Variants in LRRIQ3 observed in about 807,000 individuals in gnomAD.
The protein encoded by LRRIQ3 is leucine-rich repeat and IQ domain-containing protein 3.
LRRIQ3 carries 75 observed loss-of-function variants against 59.3 expected under a neutral mutation model. The ratio of observed to expected loss-of-function variants is 1.26; its 90% CI spans 1.05 to 1.53. LRRIQ3 has a LOEUF of 1.53. Among genes scored for constraint, LRRIQ3 ranks in the 40% most tolerant of loss-of-function variants. The probability of loss-of-function intolerance (pLI) is 0.00; values close to 1 mark genes in which losing one functional copy is unlikely to be tolerated. For synonymous variants in LRRIQ3, 250 were observed against 231.3 expected, an observed-to-expected ratio of 1.08 and a Z score of -0.73; for missense variants, 831 against 710.0, an observed-to-expected ratio of 1.17 and a Z score of -1.94.
At chr1:74,147,705 G>A (rs1190247486) in intron 4 of LRRIQ3, among the ~76,000 whole-genome samples, 1 of 152,168 alleles carries the variant, frequency 6.6e-6, no homozygotes, top group Non-Finnish European at 1.5e-5. Flanking sequence ...TTCTCTTGCT[G>A]TCTCTATCAT....
At chr1:74,045,956 G>A (rs185827065) in intron 6 of LRRIQ3, among the ~76,000 whole-genome samples, 1 of 152,220 alleles carries the variant, frequency 6.6e-6, no homozygotes, top group East Asian at 1.9e-4. Flanking sequence ...GGAAATAAGA[G>A]AGGACACAAA....
rs541408192 is a variant in LRRIQ3, at chr1:74,026,063, T to A, written c.*750A>T. ...TATTTTTCAAATTTTCTACCATTGGTATGTATTAAACAGACTTATGGTTAA... is the reference window on the plus strand; with the variant it reads ...TATTTTTCAAATTTTCTACCATTGGAATGTATTAAACAGACTTATGGTTAA... On this transcript the variant is annotated 3_prime_UTR_variant, in exon 8 of 8. Transcript: ENST00000354431. The A allele has an allele frequency of 6.6e-5, 10 of 152,156 alleles. No individual in the cohort carries two copies. Among genetic ancestry groups the A allele is most frequent in the Non-Finnish European group, 1.3e-4 (9 of 67,920 alleles). The allele number at this position is 152,156 out of a possible 1,614,324, so 9.4% of individuals were successfully genotyped here.
chr1:74,170,258 G>T (rs1259881750), intron 3 of LRRIQ3, among the ~76,000 whole-genome samples: 1 of 152,070 alleles, frequency 6.6e-6, no homozygotes, highest in Non-Finnish European at 1.5e-5. Flanking sequence ...TGCCAAGACC[G>T]ATGTCAAGAA....
chr1:74,026,782 A>T lies in LRRIQ3; in HGVS notation c.*31T>A. The T allele has an allele frequency of 6.5e-7, 1 of 1,543,972 alleles. No individual in the cohort carries two copies. The highest frequency in any genetic ancestry group is 8.8e-7 in the Non-Finnish European group (1 of 1,140,144). ...AACTAAAAATAATGACTATAATTTAAGATGATCATAGGATGTGATCTGGCA... is the reference window on the plus strand; with the variant it reads ...AACTAAAAATAATGACTATAATTTATGATGATCATAGGATGTGATCTGGCA... On this transcript the variant is annotated 3_prime_UTR_variant, in exon 8 of 8. Coordinates refer to ENST00000354431, the MANE Select transcript of LRRIQ3 (RefSeq NM_001105659.2).
intron 1 of LRRIQ3, among the ~76,000 whole-genome samples, chr1:74,185,092 A>G (rs555745851): frequency 6.6e-6 from 1 of 152,324 alleles, no homozygotes; most frequent in East Asian, 1.9e-4. Flanking sequence ...ACTTTACACA[A>G]TTATGAATAA....
rs1654039146 is a variant in LRRIQ3, at chr1:74,041,375, T to C, written c.1556A>G (p.Gln519Arg). The part of the protein sequence containing the change: ...SQKASERLLV[Q>R]NLNNERTLLT... The stretch of plus-strand genomic sequence containing the variant: ...AAGAGTGCGCTCATTATTTAAGTTT[T>C]GAACTAATAAACGCTCTGAAGCCTT... Residue 519 changes from glutamine (Q) to arginine (R), a missense_variant, in exon 7 of 8, where the codon CAA becomes CGA. Coordinates refer to ENST00000354431, the MANE Select transcript of LRRIQ3 (RefSeq NM_001105659.2). 1 of 1,613,900 alleles carries C rather than the reference T, an allele frequency of 6.2e-7. No individual in the cohort carries two copies. The highest frequency in any genetic ancestry group is 1.7e-5 in the Admixed American group (1 of 59,994).
At chr1:74,027,025 G>C in intron 7 of LRRIQ3, 56 bp from the exon 8 acceptor site, 2 of 1,193,518 alleles carry the variant, frequency 1.7e-6, no homozygotes, top group Non-Finnish European at 2.3e-6. Context: ...TGAAACCATG[G>C]CAATCTATTA....
chr1:74,126,068 G>A (rs769398036), intron 4 of LRRIQ3, among the ~76,000 whole-genome samples: 17 of 151,616 alleles, frequency 1.1e-4, no homozygotes, highest in South Asian at 4.2e-4. Flanking sequence ...ATCGTTTCAC[G>A]GTTCAATCTT....
At chr1:74,059,557 A>T (rs1423735967) in intron 6 of LRRIQ3, among the ~76,000 whole-genome samples, 2 of 152,080 alleles carry the variant, frequency 1.3e-5, no homozygotes, top group African/African-American at 4.8e-5. Flanking sequence ...CTTGATCTAA[A>T]TGTCTTTCAT....
chr1:74,082,002 A>G (rs1646278176), intron 5 of LRRIQ3: 1 of 151,530 alleles, frequency 6.6e-6, no homozygotes, highest in African/African-American at 2.4e-5. Context: ...TGTATTCTTC[A>G]ATCTGTTGTA....
chr1:74,070,888 T>C (rs183751501), intron 6 of LRRIQ3, among the ~76,000 whole-genome samples: 2 of 151,014 alleles, frequency 1.3e-5, no homozygotes, highest in African/African-American at 4.9e-5. Context: ...CCAGAAAAAA[T>C]AGAGAAATTA....
intron 7 of LRRIQ3, among the ~76,000 whole-genome samples, chr1:74,037,588 C>G (rs1055244439): frequency 1.3e-5 from 2 of 152,168 alleles, no homozygotes; most frequent in Admixed American, 6.5e-5. Flanking sequence ...CAAGATCATG[C>G]CATTGCACTC....
chr1:74,144,412 A>G (rs1191552001), intron 4 of LRRIQ3: 2 of 321,106 alleles, frequency 6.2e-6, no homozygotes, highest in Non-Finnish European at 1.3e-5. Flanking sequence ...TTTATTTTCA[A>G]TAGATTTTAT....
intron 6 of LRRIQ3, among the ~76,000 whole-genome samples, chr1:74,054,748 A>ATATC (rs1368941532): frequency 1.4e-5 from 2 of 145,436 alleles, no homozygotes; most frequent in Non-Finnish European, 3.0e-5. Context: ...AAATATATAT[A>ATATC]TATATATATC....
intron 6 of LRRIQ3, among the ~76,000 whole-genome samples, chr1:74,059,227 T>C (rs1322177395): frequency 6.6e-6 from 1 of 152,088 alleles, no homozygotes; most frequent in Admixed American, 6.6e-5. Context: ...TCTTTCATTT[T>C]CTATCTGTAT....
At chr1:74,182,117 A>G (rs1650014291) in intron 3 of LRRIQ3, 1 of 151,946 alleles carries the variant, frequency 6.6e-6, no homozygotes, top group African/African-American at 2.4e-5. Context: ...TTATAAATCA[A>G]TAGATAATGA....
At chr1:74,034,792 A>C (rs532412970) in intron 7 of LRRIQ3, among the ~76,000 whole-genome samples, 2 of 119,276 alleles carry the variant, frequency 1.7e-5, no homozygotes, top group South Asian at 7.2e-4. Flanking sequence ...AAGTAGGAAA[A>C]GGCAAATGCT....
chr1:74,176,305 A>C (rs1649635647), intron 3 of LRRIQ3, among the ~76,000 whole-genome samples: 1 of 152,000 alleles, frequency 6.6e-6, no homozygotes, highest in Non-Finnish European at 1.5e-5. Context: ...TATATTCTTT[A>C]CAGTTTTTGG....
At chr1:74,038,677 G>A (rs767885663) in intron 7 of LRRIQ3, among the ~76,000 whole-genome samples, 1 of 152,190 alleles carries the variant, frequency 6.6e-6, no homozygotes, top group Non-Finnish European at 1.5e-5. Flanking sequence ...TGAACCAGAT[G>A]AATAGTGCTT....
Sources: gnomAD v4.1 joint callset for allele counts (sites outside exome capture counted in the v4.1 genomes callset) on GRCh38, gnomAD v4.1.1 for gene constraint, MANE v1.5 for transcripts, NCBI Gene and HGNC (gene_info 2026-07-23, HGNC 2026-07-21) for gene names.